The following NUMBL variants were observed in gnomAD, a reference collection of about 807,000 sequenced individuals.
NUMBL encodes numb-like protein.
Under a neutral mutation model 48.9 loss-of-function variants are expected in NUMBL, and 20 were observed. The ratio of observed to expected loss-of-function variants is 0.41; its 90% CI spans 0.29 to 0.59. The LOEUF is 0.59. Ranked by LOEUF, NUMBL falls within the 20% of genes least tolerant of loss-of-function variation. The pLI, the probability that NUMBL is intolerant of heterozygous loss-of-function variation, is 0.31. For synonymous variants in NUMBL, 340 were observed against 348.7 expected (o/e 0.98, Z 0.28); for missense variants, 660 against 846.2 (o/e 0.78, Z 2.73).
rs774093585 is a variant in NUMBL at position 40,673,597 on chromosome 19, G to C, written c.783C>G (p.His261Gln). 30 of 1,531,880 alleles carry C rather than the reference G, an allele frequency of 2.0e-5. No homozygotes were observed. Among genetic ancestry groups the C allele is most frequent in the Admixed American group, 1.0e-4 (5 of 49,702 alleles). 94.9% of individuals were successfully genotyped at this position (1,531,880 alleles called of 1,614,324 possible). A position where few individuals can be genotyped will look rare whatever the true frequency, so the allele number is the denominator to read the frequency against. The change falls in exon 8 of 10, where the codon CAC (histidine) becomes CAG (glutamine). Residue 261 changes from histidine (H) to glutamine (Q), a missense_variant. Around this residue, in one of 3 missense-constraint regions of NUMBL, gnomAD observed 278 missense variants for 420.6 expected, o/e 0.66. Transcript: ENST00000252891. The surrounding 1 kb of genome is among the most constrained non-coding windows in gnomAD (Gnocchi z 5.9). Reference protein sequence around the residue: ...TVAPGPAQPGHVSPTPATTSP... With the variant: ...TVAPGPAQPGQVSPTPATTSP... The stretch of plus-strand genomic sequence containing the variant: ...ATGTGGTGGCTGGTGTCGGGGACAC[G>C]TGCCCAGGCTGGGCAGGGCCAGGAG...
chr19:40,687,477 T>C lies in NUMBL; in HGVS notation c.25-482A>G, dbSNP rs953479862. 3.3e-5 allele frequency among the ~76,000 whole-genome samples: 5 copies of C among 151,996 alleles called. No homozygotes were observed. The highest frequency in any genetic ancestry group is 1.2e-4 in the African/African-American group (5 of 41,356). ...CATATTCATGTTCGGACACACACAG[T>C]CTCTACTACAGACATTTGTCCACAT... On this transcript the variant is annotated intron_variant, in intron 1 of 9. Coordinates refer to ENST00000252891, the MANE Select transcript of NUMBL (RefSeq NM_004756.5). This position sits in a 1 kb window ranked among gnomAD's most constrained non-coding sequence, Gnocchi z 4.6.
At position 40,682,404 on chromosome 19, in the gene NUMBL, C is replaced by T. The variant is rs557128404; in HGVS notation, c.399+324G>A. Among the ~76,000 whole-genome samples the T allele has an allele frequency of 1.3e-5, 2 of 152,162 alleles. No individual in the cohort carries two copies. The highest frequency in any genetic ancestry group is 2.4e-5 in the African/African-American group (1 of 41,436). ...CCTCCCAAAGTACTGGGATTACAGG[C>T]GTGAGCCACCACTCCCGGCCTATAA... On this transcript the variant is annotated intron_variant, in intron 5 of 9. Coordinates refer to ENST00000252891, the MANE Select transcript of NUMBL (RefSeq NM_004756.5). The surrounding 1 kb of genome is among the most constrained non-coding windows in gnomAD (Gnocchi z 4.0).
chr19:40,667,997 TG>T lies in NUMBL; in HGVS notation c.1300del (p.Gln434SerfsTer151). 1 of 901,790 alleles carries T rather than the reference TG, an allele frequency of 1.1e-6. No homozygotes were observed. Among genetic ancestry groups the T allele is most frequent in the Non-Finnish European group, 1.5e-6 (1 of 678,210 alleles). 55.9% of individuals were successfully genotyped at this position (901,790 alleles called of 1,614,324 possible). A position where few individuals can be genotyped will look rare whatever the true frequency, so the allele number is the denominator to read the frequency against. Reference protein sequence around the residue: ...AKAQQQQQQQQQQQQQQQQQQ... With the variant: ...AKAQQQQQQQXQQQQQQQQQQ... ...CTGCTGCTGCTGCTGCTGCTGTTGC[TG>T]TTGCTGCTGCTGCTGCTGCTGGGCC... On this transcript the variant is annotated frameshift_variant, in exon 10 of 10. Coordinates refer to ENST00000252891, the MANE Select transcript of NUMBL (RefSeq NM_004756.5). LOFTEE classifies it low-confidence loss of function (END_TRUNC). The surrounding 1 kb of genome is among the most constrained non-coding windows in gnomAD (Gnocchi z 6.1).
chr19:40,678,951 T>G (rs1400389239), intron 6 of NUMBL, among the ~76,000 whole-genome samples: 1 of 148,798 alleles, frequency 6.7e-6, no homozygotes, highest in Non-Finnish European at 1.5e-5. Flanking sequence ...ATCTGCCAGG[T>G]GTGGTGGCGT....
Position 40,667,352 on chromosome 19 carries a change from G to C in NUMBL, c.*116C>G. ...TTGTCGGGGTGGTTGAGGGAGGGGG[G>C]TGTTGAGAGGGTGTTGAGGGGCGCA... On this transcript the variant is annotated 3_prime_UTR_variant, in exon 10 of 10. Transcript: ENST00000252891. The surrounding 1 kb of genome is among the most constrained non-coding windows in gnomAD (Gnocchi z 6.1). 7.2e-7 allele frequency: 1 copy of C among 1,386,064 alleles called. No individual in the cohort carries two copies. Among genetic ancestry groups the C allele is most frequent in the Non-Finnish European group, 9.6e-7 (1 of 1,037,384 alleles). The allele number at this position is 1,386,064 out of a possible 1,614,324, so 85.9% of individuals were successfully genotyped here.
At chr19:40,670,543 C>T (rs1368027387) in intron 8 of NUMBL, among the ~76,000 whole-genome samples, 1 of 151,910 alleles carries the variant, frequency 6.6e-6, no homozygotes, top group African/African-American at 2.4e-5. Flanking sequence ...ATGGCGGCCC[C>T]GTGAGGGCTT....
Position 40,667,310 on chromosome 19 carries a change from T to G in NUMBL, c.*158A>C. ...TCCTGTTGCAACCTGGGCGTCACAA[T>G]GTTGGTTCTGTAGTGGTTGTCGGGG... On this transcript the variant is annotated 3_prime_UTR_variant, in exon 10 of 10. Coordinates refer to ENST00000252891, the MANE Select transcript of NUMBL (RefSeq NM_004756.5). This position sits in a 1 kb window ranked among gnomAD's most constrained non-coding sequence, Gnocchi z 6.1. 17 of 1,025,422 alleles carry G rather than the reference T, an allele frequency of 1.7e-5. No individual in the cohort carries two copies. The highest frequency in any genetic ancestry group is 2.7e-5 in the East Asian group (1 of 37,008). The allele number at this position is 1,025,422 out of a possible 1,614,324, so 63.5% of individuals were successfully genotyped here. A position where few individuals can be genotyped will look rare whatever the true frequency, so the allele number is the denominator to read the frequency against.
intron 7 of NUMBL, among the ~76,000 whole-genome samples, chr19:40,676,581 A>G (rs1191584400): frequency 6.7e-6 from 1 of 150,124 alleles, no homozygotes; most frequent in Non-Finnish European, 1.5e-5. Flanking sequence ...TGTAATCCTA[A>G]CTACTCGGGA....
At chr19:40,684,359 G>A in intron 3 of NUMBL, 58 bp downstream of exon 3, 1 of 1,519,526 alleles carries the variant, frequency 6.6e-7, no homozygotes, top group African/African-American at 1.4e-5. Context: ...CACCCGCACA[G>A]CACAGCACAG....
chr19:40,687,570 T>C lies in NUMBL; in HGVS notation c.25-575A>G, dbSNP rs1299743678. ...CCTGGTCACACCACCCACTGAAATT[T>C]GGTCACTTCCACATTCTCAGCCACA... is the stretch of plus-strand genomic sequence containing the variant. On this transcript the variant is annotated intron_variant, in intron 1 of 9. Transcript: ENST00000252891. The surrounding 1 kb of genome is among the most constrained non-coding windows in gnomAD (Gnocchi z 4.6). Among the ~76,000 whole-genome samples the C allele has an allele frequency of 1.3e-5, 2 of 151,938 alleles. No homozygotes were observed. The highest frequency in any genetic ancestry group is 3.9e-4 in the East Asian group (2 of 5,180).
chr19:40,690,340 A>C, intron 1 of NUMBL, 120 bp downstream of exon 1: 1 of 534,058 alleles, frequency 1.9e-6, no homozygotes, highest in Non-Finnish European at 2.8e-6. Context: ...CCCACCCGGG[A>C]CCACCCTCTC....
intron 6 of NUMBL, among the ~76,000 whole-genome samples, chr19:40,679,821 G>T (rs984971183): frequency 6.6e-6 from 1 of 152,140 alleles, no homozygotes; most frequent in Non-Finnish European, 1.5e-5. Flanking sequence ...GGGGTAGTGG[G>T]GAGACGGGGT....
chr19:40,677,384 G>A lies in NUMBL; in HGVS notation c.578C>T (p.Ala193Val), dbSNP rs1402119818. Residue 193 changes from alanine to valine, a missense_variant, in exon 7 of 10, where the codon GCC (alanine) becomes GTC (valine). Transcript: ENST00000252891. ...TCGCTGTTTTCGCTCCAGGCAGGCG[G>A]CAAAAGCACAGCCCACAGCGTGGCT... is the stretch of plus-strand genomic sequence containing the variant. ...RLSHAVGCAF[A>V]ACLERKQRRE... 1 of 1,611,262 alleles carries A rather than the reference G, an allele frequency of 6.2e-7. No individual in the cohort carries two copies. Among genetic ancestry groups the A allele is most frequent in the Non-Finnish European group, 8.5e-7 (1 of 1,179,918 alleles).
chr19:40,677,671 A>G (rs2081884528), intron 6 of NUMBL, among the ~76,000 whole-genome samples: 4 of 152,148 alleles, frequency 2.6e-5, no homozygotes, highest in Admixed American at 2.0e-4. Context: ...AAACTAATCT[A>G]TGGTTCTATG....
At position 40,666,567 on chromosome 19, in the gene NUMBL, CTATGA is replaced by C. The variant is rs2081808908; in HGVS notation, c.*896_*900del. The C allele has an allele frequency of 6.6e-6, 1 of 152,496 alleles. No individual in the cohort carries two copies. The highest frequency in any genetic ancestry group is 2.1e-4 in the South Asian group (1 of 4,816). 9.4% of individuals were successfully genotyped at this position (152,496 alleles called of 1,614,324 possible). Reference sequence around the variant, plus strand: ...TGAGTCAGTGGTACCTGTTACCACGCTATGACTCAGAGGTTATCACTCAGGGACAT... The same window carrying C: ...TGAGTCAGTGGTACCTGTTACCACGCCTCAGAGGTTATCACTCAGGGACAT... On this transcript the variant is annotated 3_prime_UTR_variant, in exon 10 of 10. Transcript: ENST00000252891.
intron 7 of NUMBL, among the ~76,000 whole-genome samples, chr19:40,676,392 C>T (rs1460110942): frequency 1.3e-5 from 2 of 151,948 alleles, no homozygotes; most frequent in South Asian, 4.2e-4. Flanking sequence ...GACCTCAACT[C>T]AGACAACAAA....
intron 8 of NUMBL, among the ~76,000 whole-genome samples, chr19:40,672,394 A>C (rs1026749370): frequency 1.3e-5 from 2 of 152,032 alleles, no homozygotes; most frequent in African/African-American, 4.8e-5. Flanking sequence ...GGACCTTTAT[A>C]TCTCCTCTCT....
At position 40,682,794 on chromosome 19, in the gene NUMBL, T is replaced by C. The variant is rs2081911682; in HGVS notation, c.333A>G (p.Arg111=). ...CCCACAGGACAGACTTCACGGACTTTCGGCCCATCTGGAGGGAGGCAAGGG... is the reference window on the plus strand; with the variant it reads ...CCCACAGGACAGACTTCACGGACTTCCGGCCCATCTGGAGGGAGGCAAGGG... ...DAVKKLKAMG[R]KSVKSVLWVS... is the part of the protein sequence containing the mutation. Residue 111 remains arginine, a synonymous_variant, in exon 5 of 10, where the codon CGA becomes CGG. Coordinates refer to ENST00000252891, the MANE Select transcript of NUMBL (RefSeq NM_004756.5). This position sits in a 1 kb window ranked among gnomAD's most constrained non-coding sequence, Gnocchi z 4.0. 1.2e-6 allele frequency: 2 copies of C among 1,614,166 alleles called. No homozygotes were observed. The highest frequency in any genetic ancestry group is 8.5e-7 in the Non-Finnish European group (1 of 1,180,028).
rs2081837127 is a variant in NUMBL at position 40,669,890 on chromosome 19, G to A, written c.1159+8C>T. 8 of 1,612,684 alleles carry A rather than the reference G, an allele frequency of 5.0e-6. 1 individual carries two copies. In the East Asian group the frequency reaches 1.8e-4, roughly 36 times the overall value. ...AGGGTGTCTGCCCAGCAGAAAGCCTGGCTTTACCTGTTGTGGCAGGTGGTG... is the reference window on the plus strand; with the variant it reads ...AGGGTGTCTGCCCAGCAGAAAGCCTAGCTTTACCTGTTGTGGCAGGTGGTG... On this transcript the variant is annotated splice_region_variant and intron_variant, in intron 9 of 9. Coordinates refer to ENST00000252891, the MANE Select transcript of NUMBL (RefSeq NM_004756.5).
Sources: gnomAD v4.1 joint callset for allele counts (sites outside exome capture counted in the v4.1 genomes callset) on GRCh38, gnomAD v4.1.1 for gene constraint, gnomAD v4.1.1 regional missense constraint, Gnocchi (gnomAD v3.1) non-coding constraint, MANE v1.5 for transcripts, NCBI Gene and HGNC (gene_info 2026-07-23, HGNC 2026-07-21) for gene names.